CD44: variants seen among roughly 807,000 people sequenced by gnomAD.
CD44 encodes the protein CD44 molecule (IN blood group), also known as CD44 antigen.
Under a neutral mutation model 88.8 loss-of-function variants are expected in CD44, and 49 were observed. The observed-to-expected ratio is 0.55, with a 90% CI of 0.44 to 0.70. The LOEUF (loss-of-function observed/expected upper bound fraction) is 0.70. CD44 is among the 30% of genes least tolerant of loss of function. The probability of loss-of-function intolerance (pLI) is 0.00; values close to 1 mark genes in which losing one functional copy is unlikely to be tolerated. For synonymous variants in CD44, 325 were observed against 312.3 expected, an observed-to-expected ratio of 1.04 and a Z score of -0.43; for missense variants, 883 against 913.8, an observed-to-expected ratio of 0.97 and a Z score of 0.43.
At position 35,206,229 on chromosome 11, in the gene CD44, C is replaced by T; in HGVS notation, c.1400C>T (p.Ala467Val). The T allele has an allele frequency of 6.2e-7, 1 of 1,608,832 alleles. No individual in the cohort carries two copies. The highest frequency in any genetic ancestry group is 8.5e-7 in the Non-Finnish European group (1 of 1,177,716). The change falls in exon 11 of 18, where the codon GCA becomes GTA. Residue 467 changes from alanine (A) to valine (V), a missense_variant. Physicochemically the swap from Ala to Val is moderately conservative, Grantham distance 64 (BLOSUM62 0). Transcript: ENST00000428726. ...CACCCCATGGGACGAGGTCATCAAG[C>T]AGGAAGAAGGATGGGTAATAGCCTC... is the stretch of plus-strand genomic sequence containing the variant. ...ISHPMGRGHQAGRRMDMDSSH... is the reference protein window; with the variant it reads ...ISHPMGRGHQVGRRMDMDSSH...
intron 15 of CD44, among the ~76,000 whole-genome samples, chr11:35,216,165 A>G (rs1655914389): frequency 6.6e-6 from 1 of 151,946 alleles, no homozygotes; most frequent in African/African-American, 2.4e-5. Flanking sequence ...ACTCCCAGGC[A>G]TGAATTCTTA....
At chr11:35,139,966 T>C (rs767795458) in intron 1 of CD44, among the ~76,000 whole-genome samples, 6 of 152,238 alleles carry the variant, frequency 3.9e-5, no homozygotes, top group Non-Finnish European at 8.8e-5. Flanking sequence ...CTGTGGAAGC[T>C]TGAACCAGCT....
At chr11:35,200,086 G>A (rs1419883870) in intron 7 of CD44, among the ~76,000 whole-genome samples, 1 of 151,332 alleles carries the variant, frequency 6.6e-6, no homozygotes, top group South Asian at 2.1e-4. Flanking sequence ...TGTGATAACT[G>A]CTTGATAATA....
At position 35,207,192 on chromosome 11, in the gene CD44, A is replaced by G. The variant is rs376792186; in HGVS notation, c.1415-913A>G. On this transcript the variant is annotated intron_variant, in intron 11 of 17. Coordinates refer to ENST00000428726, the MANE Select transcript of CD44 (RefSeq NM_000610.4). Reference sequence around the variant, plus strand: ...GGGTCACCACATTTTTGTCCTACAAAGATCTTTAATATTTTAGTGTTGAAT... The same window carrying G: ...GGGTCACCACATTTTTGTCCTACAAGGATCTTTAATATTTTAGTGTTGAAT... 3.9e-5 allele frequency among the ~76,000 whole-genome samples: 6 copies of G among 152,316 alleles called. No homozygotes were observed. In the East Asian group the frequency reaches 7.7e-4, roughly 20 times the overall value.
intron 17 of CD44, among the ~76,000 whole-genome samples, chr11:35,224,641 G>A (rs1949564687): frequency 6.6e-6 from 1 of 152,164 alleles, no homozygotes; most frequent in South Asian, 2.1e-4. Flanking sequence ...GGAGGTTGAG[G>A]TAGAAGAATC....
intron 1 of CD44, among the ~76,000 whole-genome samples, chr11:35,145,631 A>G (rs1858988399): frequency 6.6e-6 from 1 of 151,898 alleles, no homozygotes; most frequent in South Asian, 2.1e-4. Flanking sequence ...AAACAAAAAC[A>G]CTCCCCAGCA....
At chr11:35,151,647 T>C (rs192419968) in intron 1 of CD44, among the ~76,000 whole-genome samples, 108 of 152,330 alleles carry the variant, frequency 7.1e-4, no homozygotes, top group African/African-American at 2.6e-3. Context: ...TTGACCCCCA[T>C]GCATCACATG....
At chr11:35,196,959 C>A in intron 6 of CD44, 85 bp downstream of exon 6, 1 of 1,400,352 alleles carries the variant, frequency 7.1e-7, no homozygotes, top group Non-Finnish European at 9.8e-7. Context: ...TTATTAAAGC[C>A]TAACGTTCCT....
intron 1 of CD44, among the ~76,000 whole-genome samples, chr11:35,146,238 C>T (rs1004678333): frequency 2.6e-5 from 4 of 152,174 alleles, no homozygotes; most frequent in African/African-American, 9.7e-5. Context: ...TTGCAAAACT[C>T]AGGTCCCAGA....
At chr11:35,179,773 T>C (rs934682486) in intron 2 of CD44, among the ~76,000 whole-genome samples, 11 of 152,118 alleles carry the variant, frequency 7.2e-5, no homozygotes, top group Admixed American at 1.3e-4. Flanking sequence ...GGAAAAGTTG[T>C]GGCTGAGAAA....
intron 5 of CD44, among the ~76,000 whole-genome samples, chr11:35,195,098 C>T (rs1946608886): frequency 6.6e-6 from 1 of 152,172 alleles, no homozygotes; most frequent in Non-Finnish European, 1.5e-5. Context: ...GGGTGTGTGG[C>T]TCTTAGCTCT....
rs1857431339 is a variant in CD44 at position 35,139,377 on chromosome 11, G to A, written c.67+7G>A. The A allele has an allele frequency of 6.4e-7, 1 of 1,555,308 alleles. No homozygotes were observed. Among genetic ancestry groups the A allele is most frequent in the Non-Finnish European group, 8.7e-7 (1 of 1,148,906 alleles). On this transcript the variant is annotated splice_region_variant and intron_variant, in intron 1 of 17. Transcript: ENST00000428726. ...CTGAGCCTGGCGCAGATCGGTGAGT[G>A]CCCGCCGCAGCCTGGGCAGCAAGAT...
chr11:35,204,998 T>C (rs1947694379), intron 10 of CD44: 1 of 171,846 alleles, frequency 5.8e-6, no homozygotes. Flanking sequence ...GGGTCCAGAC[T>C]TTACAATATG....
intron 14 of CD44, among the ~76,000 whole-genome samples, chr11:35,212,176 A>T (rs1207924460): frequency 6.6e-6 from 1 of 151,948 alleles, no homozygotes; most frequent in African/African-American, 2.4e-5. Flanking sequence ...CTCCATTTGT[A>T]TTAAGAAATT....
chr11:35,152,177 T>C (rs74934253), intron 1 of CD44, among the ~76,000 whole-genome samples: 6,259 of 152,290 alleles, frequency 0.041, 233 homozygotes, highest in Admixed American at 0.11. Flanking sequence ...AGCAGCCACA[T>C]TCCATGAGCT....
chr11:35,170,606 A>G (rs1943766497), intron 1 of CD44, among the ~76,000 whole-genome samples: 1 of 152,244 alleles, frequency 6.6e-6, no homozygotes. Context: ...GGGACATTTT[A>G]TTCATTACAT....
intron 17 of CD44, among the ~76,000 whole-genome samples, chr11:35,226,266 C>T (rs1413588911): frequency 5.9e-5 from 9 of 152,190 alleles, no homozygotes; most frequent in Admixed American, 5.9e-4. Flanking sequence ...CAACATTAAT[C>T]CCCACCCACT....
At chr11:35,174,651 C>T (rs975907596) in intron 1 of CD44, among the ~76,000 whole-genome samples, 6 of 152,220 alleles carry the variant, frequency 3.9e-5, no homozygotes, top group African/African-American at 1.2e-4. Context: ...CTACAAAACT[C>T]ACTAAAGTCC....
intron 17 of CD44, among the ~76,000 whole-genome samples, chr11:35,225,754 T>C (rs750774239): frequency 3.9e-5 from 6 of 152,038 alleles, no homozygotes; most frequent in Non-Finnish European, 7.4e-5. Context: ...GAGGCAGAGG[T>C]TGCAGTGAGC....
Sources: allele counts gnomAD v4.1 joint callset (sites outside exome capture counted in the v4.1 genomes callset), GRCh38; gene constraint gnomAD v4.1.1; transcripts MANE v1.5; gene names NCBI Gene and HGNC (gene_info 2026-07-23, HGNC 2026-07-21).